The following CARMIL3 variants were observed in gnomAD, a reference collection of about 807,000 sequenced individuals.
The protein encoded by CARMIL3 is capping protein, Arp2/3 and myosin-I linker protein 3.
A neutral mutation model predicts 180.8 loss-of-function variants in CARMIL3; 88 were observed. The observed-to-expected ratio is 0.49, with a 90% CI of 0.41 to 0.58. The LOEUF (loss-of-function observed/expected upper bound fraction) is 0.58. Ranked by LOEUF, CARMIL3 falls within the 20% of genes least tolerant of loss-of-function variation. CARMIL3 has a pLI of 0.00. For synonymous variants in CARMIL3, 696 were observed against 714.5 expected (o/e 0.97, Z 0.41); for missense variants, 1,548 against 1,787.0 (o/e 0.87, Z 2.41).
rs1391952084 is a variant in CARMIL3 at position 24,061,277 on chromosome 14, T to C, written c.2305-220T>C. The C allele has an allele frequency of 1.3e-5, 8 of 633,556 alleles. No individual in the cohort carries two copies. The highest frequency in any genetic ancestry group is 1.2e-4 in the South Asian group (6 of 50,086). 39.2% of individuals were successfully genotyped at this position (633,556 alleles called of 1,614,324 possible). ...ACCTCCCTGCTCTGGATTTGGATCC[T>C]TGGACTGACTGCCCCTGTCTGTATG... is the stretch of plus-strand genomic sequence containing the variant. On this transcript the variant is annotated intron_variant, in intron 26 of 39. Coordinates refer to ENST00000342740, the MANE Select transcript of CARMIL3 (RefSeq NM_138360.4). This position sits in a 1 kb window ranked among gnomAD's most constrained non-coding sequence, Gnocchi z 4.1.
In CARMIL3 at chr14:24,060,981, C is replaced by A; in HGVS notation, c.2245C>A (p.Arg749=). 6.4e-7 allele frequency: 1 copy of A among 1,551,704 alleles called. No individual in the cohort carries two copies. Among genetic ancestry groups the A allele is most frequent in the Non-Finnish European group, 8.7e-7 (1 of 1,146,986 alleles). The part of the protein sequence containing the change: ...GHVLANDGPV[R]QRLESVASEV... ...CGTGCTGGCCAATGATGGGCCTGTG[C>A]GGCAGAGGCTGGAATCAGTAGCAAG... The change falls in exon 26 of 40, where the codon CGG becomes AGG. Residue 749 remains arginine, a synonymous_variant. Transcript: ENST00000342740.
chr14:24,057,298 T>C, intron 14 of CARMIL3, 54 bp downstream of exon 14: 3 of 1,532,456 alleles, frequency 2.0e-6, no homozygotes, highest in Non-Finnish European at 2.7e-6. Context: ...AAGACCACAG[T>C]GGGCCTCGGT....
In CARMIL3 at chr14:24,065,570, G is replaced by A; in HGVS notation, c.3397-52G>A. On this transcript the variant is annotated intron_variant, in intron 33 of 39. Coordinates refer to ENST00000342740, the MANE Select transcript of CARMIL3 (RefSeq NM_138360.4). Reference sequence around the variant, plus strand: ...CCTCCTGACAACTCCCTCACAGCCTGGGGAGCCCCCTTCGACTGGGAACTG... The same window carrying A: ...CCTCCTGACAACTCCCTCACAGCCTAGGGAGCCCCCTTCGACTGGGAACTG... 5 of 1,558,398 alleles carry A rather than the reference G, an allele frequency of 3.2e-6. No homozygotes were observed. The South Asian group carries it at 4.9e-5, about 15-fold the overall frequency.
Position 24,059,962 on chromosome 14 carries a change from T to C in CARMIL3, c.1869-8T>C. ...GTTCCCACCCAGCTGTGCCCCTGTG[T>C]CCCACAGCAACCACACGCTGCGCTT... is the stretch of plus-strand genomic sequence containing the variant. On this transcript the variant is annotated splice_region_variant and splice_polypyrimidine_tract_variant and intron_variant, in intron 22 of 39. Transcript: ENST00000342740. This position sits in a 1 kb window ranked among gnomAD's most constrained non-coding sequence, Gnocchi z 6.3. The C allele has an allele frequency of 6.2e-7, 1 of 1,613,772 alleles. No individual in the cohort carries two copies. Among genetic ancestry groups the C allele is most frequent in the Non-Finnish European group, 8.5e-7 (1 of 1,179,870 alleles).
chr14:24,059,068 C>G lies in CARMIL3; in HGVS notation c.1572-67C>G. 1 of 1,587,690 alleles carries G rather than the reference C, an allele frequency of 6.3e-7. No individual in the cohort carries two copies. The highest frequency in any genetic ancestry group is 8.6e-7 in the Non-Finnish European group (1 of 1,166,424). On this transcript the variant is annotated intron_variant, in intron 19 of 39. Coordinates refer to ENST00000342740, the MANE Select transcript of CARMIL3 (RefSeq NM_138360.4). The surrounding 1 kb of genome is among the most constrained non-coding windows in gnomAD (Gnocchi z 6.3). ...GGCTCACCGTATTACCTCTGGCCAC[C>G]TCTCTCCTCCTCCAATAGCATGACC...
At position 24,061,612 on chromosome 14, in the gene CARMIL3, G is replaced by C. The variant is rs368335888; in HGVS notation, c.2420G>C (p.Arg807Pro). The change falls in exon 27 of 40, where the codon CGG becomes CCG. Residue 807 changes from arginine to proline, a missense_variant. Coordinates refer to ENST00000342740, the MANE Select transcript of CARMIL3 (RefSeq NM_138360.4). The surrounding 1 kb of genome is among the most constrained non-coding windows in gnomAD (Gnocchi z 4.1). The part of the protein sequence containing the change: ...SNVAERVTVP[R>P]NFIRGALLEQ... ...GTGGCGGAGCGTGTCACTGTGCCCCGGAACTTCATCCGAGGGGCACTGCTG... is the reference window on the plus strand; with the variant it reads ...GTGGCGGAGCGTGTCACTGTGCCCCCGAACTTCATCCGAGGGGCACTGCTG... 1 of 1,613,934 alleles carries C rather than the reference G, an allele frequency of 6.2e-7. No homozygotes were observed. The highest frequency in any genetic ancestry group is 2.2e-5 in the East Asian group (1 of 44,852).
chr14:24,063,545 A>G lies in CARMIL3; in HGVS notation c.2979+12A>G. Reference sequence around the variant, plus strand: ...CTGGTCGACCCAGTGTGAGTCCCTAAGGCTTCACAAGAGGATCCCCTTCAC... The same window carrying G: ...CTGGTCGACCCAGTGTGAGTCCCTAGGGCTTCACAAGAGGATCCCCTTCAC... On this transcript the variant is annotated intron_variant, in intron 31 of 39. Coordinates refer to ENST00000342740, the MANE Select transcript of CARMIL3 (RefSeq NM_138360.4). 1 of 1,594,180 alleles carries G rather than the reference A, an allele frequency of 6.3e-7. No homozygotes were observed. The highest frequency in any genetic ancestry group is 8.5e-7 in the Non-Finnish European group (1 of 1,171,894).
chr14:24,056,929 G>C lies in CARMIL3; in HGVS notation c.967G>C (p.Gly323Arg). 1.9e-6 allele frequency: 3 copies of C among 1,613,966 alleles called. No individual in the cohort carries two copies. Among genetic ancestry groups the C allele is most frequent in the Non-Finnish European group, 2.5e-6 (3 of 1,179,982 alleles). ...GCTGTGCTCAGGGCTCCAGGCACTCGGCCAGACCTTCGGGGCAAACCCAGC... is the reference window on the plus strand; with the variant it reads ...GCTGTGCTCAGGGCTCCAGGCACTCCGCCAGACCTTCGGGGCAAACCCAGC... Reference protein sequence around the residue: ...AISPRGLQALGQTFGANPAFA... With the variant: ...AISPRGLQALRQTFGANPAFA... The change falls in exon 13 of 40, where the codon GGC (glycine) becomes CGC (arginine). Residue 323 changes from glycine to arginine, a missense_variant. Coordinates refer to ENST00000342740, the MANE Select transcript of CARMIL3 (RefSeq NM_138360.4).
chr14:24,066,447 G>A lies in CARMIL3; in HGVS notation c.3575G>A (p.Arg1192His), dbSNP rs777634254. 1.7e-5 allele frequency: 27 copies of A among 1,614,088 alleles called. 1 individual carries two copies. The highest frequency in any genetic ancestry group is 2.2e-5 in the South Asian group (2 of 91,090). ...AGCACCCAGGCCTGGCAGAAACGGC[G>A]CTCTTCAGACGACGCAGGTAAGAAC... ...EGSTQAWQKRRSSDDAGPGSW... is the reference protein window; with the variant it reads ...EGSTQAWQKRHSSDDAGPGSW... Residue 1192 changes from arginine to histidine, a missense_variant, in exon 35 of 40, where the codon CGC (arginine) becomes CAC (histidine). Physicochemically the swap from Arg to His is conservative, Grantham distance 29. Coordinates refer to ENST00000342740, the MANE Select transcript of CARMIL3 (RefSeq NM_138360.4).
chr14:24,055,778 C>T lies in CARMIL3; in HGVS notation c.759C>T (p.Ala253=), dbSNP rs772921606. 1.5e-5 allele frequency: 24 copies of T among 1,613,902 alleles called. No homozygotes were observed. The highest frequency in any genetic ancestry group is 1.2e-4 in the Admixed American group (7 of 60,002). The change falls in exon 10 of 40, where the codon GCC becomes GCT. Residue 253 remains alanine, a synonymous_variant. Coordinates refer to ENST00000342740, the MANE Select transcript of CARMIL3 (RefSeq NM_138360.4). ...GSLEELVLDN[A]GLKTDFVQKL... ...TCGAAGAGCTGGTGCTGGACAACGCCGGGCTTAAGACGTGAGGCCAGTCTC... is the reference window on the plus strand; with the variant it reads ...TCGAAGAGCTGGTGCTGGACAACGCTGGGCTTAAGACGTGAGGCCAGTCTC...
chr14:24,055,239 T>C lies in CARMIL3; in HGVS notation c.534T>C (p.Asp178=), dbSNP rs2035660153. ...TGAGCCAGTTCCACCTCTCCAAGGATGTGGACACCATCTACCATGCTGAAG... is the reference window on the plus strand; with the variant it reads ...TGAGCCAGTTCCACCTCTCCAAGGACGTGGACACCATCTACCATGCTGAAG... ...GLHCREEVQW[D]VDTIYHAEDN... The change falls in exon 8 of 40, where the codon GAT becomes GAC. Residue 178 remains aspartate, a splice_region_variant and synonymous_variant. Coordinates refer to ENST00000342740, the MANE Select transcript of CARMIL3 (RefSeq NM_138360.4). 3 of 1,614,158 alleles carry C rather than the reference T, an allele frequency of 1.9e-6. No homozygotes were observed. Among genetic ancestry groups the C allele is most frequent in the Non-Finnish European group, 2.5e-6 (3 of 1,179,996 alleles).
rs1172713665 is a variant in CARMIL3, at chr14:24,055,084, A to G, written c.479A>G (p.Tyr160Cys). 1.2e-6 allele frequency: 2 copies of G among 1,613,420 alleles called. No homozygotes were observed. The highest frequency in any genetic ancestry group is 1.3e-5 in the African/African-American group (1 of 74,912). Residue 160 changes from tyrosine (Y) to cysteine (C), a missense_variant, in exon 7 of 40, where the codon TAC becomes TGC. Physicochemically the swap from Tyr to Cys is radical, Grantham distance 194. This residue lies in a region of CARMIL3 where 578 missense variants were observed against 666.5 expected (regional missense o/e 0.87). Coordinates refer to ENST00000342740, the MANE Select transcript of CARMIL3 (RefSeq NM_138360.4). Reference protein sequence around the residue: ...HSVCGGFSETYAALCDYNGLH... With the variant: ...HSVCGGFSETCAALCDYNGLH... Reference sequence around the variant, plus strand: ...CCCACAGGTGGCTTCTCTGAGACCTACGCTGCTCTGTGTGACTACAATGGG... The same window carrying G: ...CCCACAGGTGGCTTCTCTGAGACCTGCGCTGCTCTGTGTGACTACAATGGG...
At chr14:24,062,962 T>A (rs527426269) in intron 29 of CARMIL3, 116 bp downstream of exon 29, 11 of 1,538,678 alleles carry the variant, frequency 7.1e-6, no homozygotes, top group Non-Finnish European at 9.7e-6. Flanking sequence ...GTGCCTGGCC[T>A]TCTGCCTCCA....
chr14:24,053,813 C>T lies in CARMIL3; in HGVS notation c.135+10C>T. The T allele has an allele frequency of 1.2e-6, 2 of 1,606,616 alleles. No homozygotes were observed. Among genetic ancestry groups the T allele is most frequent in the South Asian group, 1.1e-5 (1 of 89,862 alleles). On this transcript the variant is annotated intron_variant, in intron 2 of 39. Transcript: ENST00000342740. ...TGAGGACCGAGTGCTGGTGAGGGCA[C>T]TGGGCATGTGGGGAGGGAGGAGGTG... is the stretch of plus-strand genomic sequence containing the variant.
At position 24,054,928 on chromosome 14, in the gene CARMIL3, C is replaced by A; in HGVS notation, c.460+120C>A. 3 of 1,362,378 alleles carry A rather than the reference C, an allele frequency of 2.2e-6. No individual in the cohort carries two copies. The highest frequency in any genetic ancestry group is 3.1e-6 in the Non-Finnish European group (3 of 972,096). The allele number at this position is 1,362,378 out of a possible 1,614,324, so 84.4% of individuals were successfully genotyped here. A position where few individuals can be genotyped will look rare whatever the true frequency, so the allele number is the denominator to read the frequency against. On this transcript the variant is annotated intron_variant, in intron 6 of 39. Coordinates refer to ENST00000342740, the MANE Select transcript of CARMIL3 (RefSeq NM_138360.4). The surrounding 1 kb of genome is among the most constrained non-coding windows in gnomAD (Gnocchi z 5.1). ...CTTTGCCTGCCTGAAGGACTCCCAG[C>A]TCCCAGACCTCAGGAAGTTCATGGC...
Position 24,054,336 on chromosome 14 carries a change from C to T in CARMIL3, c.246+35C>T, listed in dbSNP as rs1475064267. The T allele has an allele frequency of 5.0e-6, 8 of 1,613,916 alleles. No homozygotes were observed. In the Admixed American group the frequency reaches 1.3e-4, roughly 27 times the overall value. ...AGGGCTTTGGGCCCCACTACTGGGCCAGCTGGAGGAGGGAGCAGAGAGGAG... is the reference window on the plus strand; with the variant it reads ...AGGGCTTTGGGCCCCACTACTGGGCTAGCTGGAGGAGGGAGCAGAGAGGAG... On this transcript the variant is annotated intron_variant, in intron 4 of 39. Transcript: ENST00000342740. This position sits in a 1 kb window ranked among gnomAD's most constrained non-coding sequence, Gnocchi z 5.1.
At position 24,068,852 on chromosome 14, in the gene CARMIL3, C is replaced by T. The variant is rs935916880; in HGVS notation, c.3868C>T (p.Pro1290Ser). 4.3e-6 allele frequency: 7 copies of T among 1,613,370 alleles called. No homozygotes were observed. The highest frequency in any genetic ancestry group is 5.9e-6 in the Non-Finnish European group (7 of 1,179,922). The change falls in exon 38 of 40, where the codon CCC becomes TCC. Residue 1290 changes from proline to serine, a missense_variant. This residue lies in a region of CARMIL3 where 668 missense variants were observed against 687.8 expected (regional missense o/e 0.97). Coordinates refer to ENST00000342740, the MANE Select transcript of CARMIL3 (RefSeq NM_138360.4). Reference protein sequence around the residue: ...PVAVPRGRQPPQEPGVREEAE... With the variant: ...PVAVPRGRQPSQEPGVREEAE... ...GGCTGTGCCCAGGGGCCGCCAGCCT[C>T]CCCAGGAGCCAGGGGTCAGGGAGGA...
intron 33 of CARMIL3, 58 bp from the exon 34 acceptor site, chr14:24,065,564 C>G: frequency 2.6e-6 from 4 of 1,548,110 alleles, no homozygotes; most frequent in Non-Finnish European, 3.5e-6. Flanking sequence ...AACTCCCTCA[C>G]AGCCTGGGGA....
In CARMIL3 at chr14:24,065,745, C is replaced by T. The variant is rs569649032; in HGVS notation, c.3520C>T (p.Arg1174Ter). The T allele has an allele frequency of 5.0e-6, 8 of 1,613,902 alleles. No individual in the cohort carries two copies. Among genetic ancestry groups the T allele is most frequent in the East Asian group, 4.5e-5 (2 of 44,876 alleles). The part of the protein sequence containing the change: ...RAKGWSFDGK[R>*]EGPGPDQEGS... Reference sequence around the variant, plus strand: ...CAAGGGTTGGAGCTTCGATGGGAAACGAGAGGTGAGTGGAGCCTGGGACAA... The same window carrying T: ...CAAGGGTTGGAGCTTCGATGGGAAATGAGAGGTGAGTGGAGCCTGGGACAA... The change falls in exon 34 of 40, where the codon CGA becomes TGA. Residue 1174 changes from arginine (R) to a stop codon, truncating the protein, a stop_gained. Coordinates refer to ENST00000342740, the MANE Select transcript of CARMIL3 (RefSeq NM_138360.4). LOFTEE classifies it high-confidence loss of function.
Sources: gnomAD v4.1 joint callset for allele counts on GRCh38, gnomAD v4.1.1 for gene constraint, gnomAD v4.1.1 regional missense constraint, Gnocchi (gnomAD v3.1) non-coding constraint, MANE v1.5 for transcripts, NCBI Gene and HGNC (gene_info 2026-07-23, HGNC 2026-07-21) for gene names.